PAX3: variants seen among roughly 807,000 people sequenced by gnomAD.
PAX3 encodes paired box 3.
In PAX3, 14 loss-of-function variants were observed where a neutral mutation model predicts 51.6. That is an observed-to-expected ratio of 0.27 (90% CI 0.18 to 0.42). The LOEUF (loss-of-function observed/expected upper bound fraction) is 0.42. PAX3 is among the 10% of genes least tolerant of loss of function. PAX3 has a pLI of 1.00. For missense variants in PAX3, 540 were observed against 642.8 expected, an observed-to-expected ratio of 0.84 and a Z score of 1.73; for synonymous variants, 280 against 253.4, an observed-to-expected ratio of 1.11 and a Z score of -1.00.
At chr2:222,231,983 T>C in intron 5 of PAX3, 95 bp downstream of exon 5, 4 of 1,120,798 alleles carry the variant, frequency 3.6e-6, no homozygotes, top group Non-Finnish European at 5.4e-6. Context: ...TCCTAATACA[T>C]TTTTGGGGGG....
intron 7 of PAX3, among the ~76,000 whole-genome samples, chr2:222,219,545 A>G (rs1409640018): frequency 6.6e-6 from 1 of 152,200 alleles, no homozygotes; most frequent in Non-Finnish European, 1.5e-5. Context: ...TAGAAAAACA[A>G]TTACAACATT....
At chr2:222,277,333 G>A in intron 4 of PAX3, among the ~76,000 whole-genome samples, 1 of 152,188 alleles carries the variant, frequency 6.6e-6, no homozygotes, top group Non-Finnish European at 1.5e-5. Flanking sequence ...AGACTCTTGA[G>A]ATCCTCAGAA....
intron 4 of PAX3, among the ~76,000 whole-genome samples, chr2:222,245,724 C>G (rs1253124776): frequency 1.3e-5 from 2 of 151,330 alleles, no homozygotes; most frequent in Non-Finnish European, 2.9e-5. Flanking sequence ...AAACCCAGCA[C>G]TTTGGGAGGC....
intron 4 of PAX3, among the ~76,000 whole-genome samples, chr2:222,252,992 C>A (rs68053202): frequency 0.11 from 17,459 of 152,142 alleles, 1,230 homozygotes; most frequent in East Asian, 0.32. Flanking sequence ...ATGCTAGAAC[C>A]AAAGTTGTCA....
chr2:222,291,960 A>G (rs1695054663), intron 4 of PAX3, among the ~76,000 whole-genome samples: 1 of 145,664 alleles, frequency 6.9e-6, no homozygotes, highest in Admixed American at 6.9e-5. Flanking sequence ...ATCAGGCTTC[A>G]GCCTCCAAGG....
chr2:222,253,933 G>A (rs865853357), intron 4 of PAX3, among the ~76,000 whole-genome samples: 1 of 152,128 alleles, frequency 6.6e-6, no homozygotes, highest in African/African-American at 2.4e-5. Flanking sequence ...TGGGAATATA[G>A]ACATGAGCCA....
rs1305913388 is a variant in PAX3, at chr2:222,201,349, A to C, written c.*59T>G. 1 of 1,609,392 alleles carries C rather than the reference A, an allele frequency of 6.2e-7. No homozygotes were observed. The highest frequency in any genetic ancestry group is 1.4e-5 in the African/African-American group (1 of 73,252). ...TTTTTGTTTTCAGAGCAGATTCTTC[A>C]TATCTAGGCTGCGAAGACCAGAAAC... is the stretch of plus-strand genomic sequence containing the variant. On this transcript the variant is annotated 3_prime_UTR_variant, in exon 9 of 9. Transcript: ENST00000392070.
chr2:222,297,973 C>T (rs754378589), intron 1 of PAX3, among the ~76,000 whole-genome samples: 3 of 152,100 alleles, frequency 2.0e-5, no homozygotes, highest in African/African-American at 4.8e-5. Flanking sequence ...TTCAAGTGGA[C>T]GGAAAGGCGA....
chr2:222,201,662 T>G (rs1691297129), intron 8 of PAX3: 3 of 1,374,230 alleles, frequency 2.2e-6, no homozygotes, highest in Non-Finnish European at 2.9e-6. Flanking sequence ...GTGTTTCTAA[T>G]GTCAGGGATT....
chr2:222,266,823 C>G (rs1373491201), intron 4 of PAX3, among the ~76,000 whole-genome samples: 1 of 152,162 alleles, frequency 6.6e-6, no homozygotes, highest in Non-Finnish European at 1.5e-5. Flanking sequence ...TCATACAGAT[C>G]CCAGGAATTC....
At chr2:222,231,288 G>A (rs180754928) in intron 5 of PAX3, among the ~76,000 whole-genome samples, 153 of 152,292 alleles carry the variant, frequency 1.0e-3, no homozygotes, top group Non-Finnish European at 2.8e-4. Context: ...CTAGGGTGGT[G>A]AGGAGTTCGA....
chr2:222,221,907 T>A (rs753867303), intron 5 of PAX3, among the ~76,000 whole-genome samples: 7 of 151,918 alleles, frequency 4.6e-5, no homozygotes, highest in Non-Finnish European at 1.0e-4. Context: ...AGTGGAGCCC[T>A]TTTTTCATCT....
At position 222,297,156 on chromosome 2, in the gene PAX3, C is replaced by G. The variant is rs121908111; in HGVS notation, c.143G>C (p.Gly48Ala). Residue 48 changes from glycine to alanine, a missense_variant, in exon 2 of 9, where the codon GGC (glycine) becomes GCC (alanine). By Grantham distance (60) the Gly-to-Ala change is moderately conservative. Coordinates refer to ENST00000392070, the MANE Select transcript of PAX3 (RefSeq NM_181458.4). ...VNQLGGVFIN[G>A]RPLPNHIRHK... The stretch of plus-strand genomic sequence containing the variant: ...GCGGATGTGGTTGGGCAGCGGCCTG[C>G]CGTTGATAAAAACACCGCCGAGCTG... The G allele has an allele frequency of 6.2e-7, 1 of 1,605,826 alleles. No individual in the cohort carries two copies. Among genetic ancestry groups the G allele is most frequent in the South Asian group, 1.1e-5 (1 of 89,890 alleles).
chr2:222,239,329 G>GTTTT (rs5838942), intron 4 of PAX3, among the ~76,000 whole-genome samples: 8 of 149,868 alleles, frequency 5.3e-5, no homozygotes, highest in Admixed American at 3.3e-4. Context: ...GTTGGGGTGG[G>GTTTT]TTTTTTTTTC....
intron 4 of PAX3, among the ~76,000 whole-genome samples, chr2:222,284,201 C>A (rs1237761065): frequency 1.3e-5 from 2 of 152,094 alleles, no homozygotes; most frequent in East Asian, 1.9e-4. Context: ...CCTTTAAGAA[C>A]AATGAAGCAG....
chr2:222,296,640 A>C (rs754530766), intron 2 of PAX3, among the ~76,000 whole-genome samples: 11 of 152,214 alleles, frequency 7.2e-5, no homozygotes, highest in Non-Finnish European at 1.3e-4. Flanking sequence ...GAAGACACTT[A>C]GGGAAGAAAT....
intron 4 of PAX3, among the ~76,000 whole-genome samples, chr2:222,260,565 GTTTTTT>G (rs869129158): frequency 9.0e-5 from 5 of 55,860 alleles, no homozygotes; most frequent in East Asian, 2.0e-3. Context: ...TTTTTTTTTT[GTTTTTT>G]TTTTTTGTTT....
Position 222,235,589 on chromosome 2 carries a change from A to G in PAX3, c.587-3306T>C, listed in dbSNP as rs564887745. Among the ~76,000 whole-genome samples, 5 of 151,872 alleles carry G rather than the reference A, an allele frequency of 3.3e-5. No individual in the cohort carries two copies. The South Asian group carries it at 1.0e-3, about 32-fold the overall frequency. On this transcript the variant is annotated intron_variant, in intron 4 of 8. Transcript: ENST00000392070. ...GATTGTGGGCTTTTTTAAAGATGAA[A>G]ACTAGCATAGCTAGTAATGAAAAGC...
At chr2:222,264,947 GTC>G (rs1559295730) in intron 4 of PAX3, 1 of 152,164 alleles carries the variant, frequency 6.6e-6, no homozygotes, top group African/African-American at 2.4e-5. Flanking sequence ...CAGCTCATTA[GTC>G]ATCCTCTAAC....
Sources: gnomAD v4.1 joint callset for allele counts (sites outside exome capture counted in the v4.1 genomes callset) on GRCh38, gnomAD v4.1.1 for gene constraint, MANE v1.5 for transcripts, NCBI Gene and HGNC (gene_info 2026-07-23, HGNC 2026-07-21) for gene names.